LATS2: variants seen among roughly 807,000 people sequenced by gnomAD.
LATS2 encodes the protein serine/threonine-protein kinase LATS2.
LATS2 carries 24 observed loss-of-function variants against 76.0 expected under a neutral mutation model. That is an observed-to-expected ratio of 0.32 (90% CI 0.23 to 0.44). The LOEUF (loss-of-function observed/expected upper bound fraction) is 0.44, where lower values mean the gene tolerates loss of function less well. Ranked by LOEUF, LATS2 falls within the 20% of genes least tolerant of loss-of-function variation. LATS2 has a pLI of 1.00. For missense variants in LATS2, 1,286 were observed against 1,481.2 expected, an observed-to-expected ratio of 0.87 and a Z score of 2.16; for synonymous variants, 692 against 635.4, an observed-to-expected ratio of 1.09 and a Z score of -1.34.
chr13:21,022,415 C>G (rs1020811945), intron 2 of LATS2, among the ~76,000 whole-genome samples: 1 of 152,140 alleles, frequency 6.6e-6, no homozygotes, highest in African/African-American at 2.4e-5. Flanking sequence ...AAACACAACC[C>G]CCACTAGCCC....
At chr13:20,990,279 T>C (rs1309650247) in intron 3 of LATS2, among the ~76,000 whole-genome samples, 5 of 151,408 alleles carry the variant, frequency 3.3e-5, no homozygotes, top group Non-Finnish European at 5.9e-5. Context: ...GGAAGAATTC[T>C]GACATGGATG....
intron 1 of LATS2, among the ~76,000 whole-genome samples, chr13:21,047,327 ACAAGGGTAC>A (rs1873108786): frequency 6.6e-6 from 1 of 152,170 alleles, no homozygotes; most frequent in South Asian, 2.1e-4. Flanking sequence ...GGGTCAGATG[ACAAGGGTAC>A]CAGGCCCTGC....
At position 20,974,045 on chromosome 13, in the gene LATS2, T is replaced by C. The variant is rs1869467798; in HGVS notation, c.*825A>G. On this transcript the variant is annotated 3_prime_UTR_variant, in exon 8 of 8. Transcript: ENST00000382592. ...CTTCTCAGTTACACATCTGCATTTC[T>C]TTAACAAAACAGTAAGAGATACAAT... 4.6e-6 allele frequency: 1 copy of C among 217,656 alleles called. No individual in the cohort carries two copies. The highest frequency in any genetic ancestry group is 9.0e-6 in the Non-Finnish European group (1 of 110,908). The allele number at this position is 217,656 out of a possible 1,614,324, so 13.5% of individuals were successfully genotyped here. A position where few individuals can be genotyped will look rare whatever the true frequency, so the allele number is the denominator to read the frequency against.
chr13:20,988,084 C>T lies in LATS2; in HGVS notation c.1696G>A (p.Gly566Ser), dbSNP rs1830737438. 7.4e-6 allele frequency: 12 copies of T among 1,614,274 alleles called. No individual in the cohort carries two copies. The highest frequency in any genetic ancestry group is 1.0e-5 in the Non-Finnish European group (12 of 1,180,050). ...KSRKSAKGDKGGKDKKQIQTS... is the reference protein window; with the variant it reads ...KSRKSAKGDKSGKDKKQIQTS... Reference sequence around the variant, plus strand: ...TGAATCTGCTTTTTATCCTTTCCGCCTTTGTCCCCCTTGGCGCTTTTGCGG... The same window carrying T: ...TGAATCTGCTTTTTATCCTTTCCGCTTTTGTCCCCCTTGGCGCTTTTGCGG... Residue 566 changes from glycine to serine, a missense_variant, in exon 4 of 8, where the codon GGC (glycine) becomes AGC (serine). Physicochemically the swap from Gly to Ser is moderately conservative, Grantham distance 56. This residue lies in a region of LATS2 where 710 missense variants were observed against 660.9 expected (regional missense o/e 1.07). Transcript: ENST00000382592.
Position 20,975,236 on chromosome 13 carries a change from C to T in LATS2, c.2901G>A (p.Leu967=), listed in dbSNP as rs1358775879. The T allele has an allele frequency of 6.2e-6, 10 of 1,614,092 alleles. No homozygotes were observed. In the African/African-American group the frequency reaches 1.2e-4, roughly 19 times the overall value. The change falls in exon 8 of 8, where the codon CTG becomes CTA. Residue 967 remains leucine (L), a synonymous_variant. Coordinates refer to ENST00000382592, the MANE Select transcript of LATS2 (RefSeq NM_014572.3). ...HRLGRNGADD[L]KAHPFFSAID... ...TGGCGCTGAAGAAGGGGTGGGCCTTCAGGTCATCGGCCCCATTCCGCCCCA... is the reference window on the plus strand; with the variant it reads ...TGGCGCTGAAGAAGGGGTGGGCCTTTAGGTCATCGGCCCCATTCCGCCCCA...
chr13:20,990,477 TTTTTTTTTTTA>T lies in LATS2; in HGVS notation c.475+784_475+794del, dbSNP rs1319002731. On this transcript the variant is annotated intron_variant, in intron 3 of 7. Coordinates refer to ENST00000382592, the MANE Select transcript of LATS2 (RefSeq NM_014572.3). ...ATTACTAGGATTTTTTTTTTTTTTT[TTTTTTTTTTTA>T]AATACAGACGAGGTCTCCCTCTGTT... 1.2e-3 allele frequency among the ~76,000 whole-genome samples: 164 copies of T among 141,138 alleles called. 2 individuals are homozygous for T. Among genetic ancestry groups the T allele is most frequent in the Admixed American group, 4.0e-3 (57 of 14,206 alleles). 92.6% of individuals were successfully genotyped at this position (141,138 alleles called of 152,430 possible).
intron 2 of LATS2, among the ~76,000 whole-genome samples, chr13:20,998,703 C>A (rs1054363489): frequency 1.1e-4 from 17 of 152,188 alleles, no homozygotes; most frequent in African/African-American, 3.9e-4. Context: ...GCGCTCCCGG[C>A]GATCTTGGGC....
At chr13:21,033,301 G>A (rs4536321) in intron 2 of LATS2, among the ~76,000 whole-genome samples, 3,782 of 152,118 alleles carry the variant, frequency 0.025, 184 homozygotes, top group African/African-American at 0.086. Flanking sequence ...GAGAACACAC[G>A]CTCCTGGTGT....
chr13:21,029,505 T>C (rs1296664400), intron 2 of LATS2, among the ~76,000 whole-genome samples: 2 of 152,170 alleles, frequency 1.3e-5, no homozygotes, highest in Non-Finnish European at 2.9e-5. Context: ...ATAAAAGATA[T>C]TGGAATGTCG....
chr13:20,998,369 A>AAATT (rs1009533892), intron 2 of LATS2, among the ~76,000 whole-genome samples: 2 of 143,600 alleles, frequency 1.4e-5, no homozygotes, highest in African/African-American at 2.5e-5. Flanking sequence ...AAACAAACAA[A>AAATT]AATTAATTAA....
chr13:21,030,613 A>AAAAAAAAAAAAAAAAGAAAAAG (rs1565960105), intron 2 of LATS2, among the ~76,000 whole-genome samples: 1 of 19,518 alleles, frequency 5.1e-5, no homozygotes, highest in African/African-American at 9.5e-5. Flanking sequence ...AAAAAAAAAG[A>AAAAAAAAAAAAAAAAGAAAAAG]AAAAAAAAAA....
chr13:21,042,211 T>C (rs529738889), intron 2 of LATS2, among the ~76,000 whole-genome samples: 1 of 152,326 alleles, frequency 6.6e-6, no homozygotes, highest in South Asian at 2.1e-4. Flanking sequence ...AACATATCAT[T>C]TGACATACAC....
intron 7 of LATS2, among the ~76,000 whole-genome samples, chr13:20,977,591 A>T (rs942548640): frequency 2.0e-5 from 3 of 151,232 alleles, no homozygotes; most frequent in Non-Finnish European, 4.4e-5. Flanking sequence ...TAAAATAATT[A>T]AAAATGGTAA....
intron 1 of LATS2, among the ~76,000 whole-genome samples, chr13:21,058,055 CT>C (rs1207689051): frequency 6.6e-6 from 1 of 152,148 alleles, no homozygotes; most frequent in Non-Finnish European, 1.5e-5. Context: ...AAGCAATAGA[CT>C]TTTTAAAAGG....
intron 2 of LATS2, among the ~76,000 whole-genome samples, chr13:21,041,614 G>A (rs1176758078): frequency 6.6e-6 from 1 of 152,028 alleles, no homozygotes; most frequent in African/African-American, 2.4e-5. Context: ...TCAGAGGGAG[G>A]GTGGACAGGC....
chr13:21,027,533 G>C (rs1276528639), intron 2 of LATS2, among the ~76,000 whole-genome samples: 1 of 152,156 alleles, frequency 6.6e-6, no homozygotes, highest in Non-Finnish European at 1.5e-5. Context: ...ATCAATTGTA[G>C]TAAGTCCCAT....
In LATS2 at chr13:21,046,196, T is replaced by C. The variant is rs886641531; in HGVS notation, c.-170A>G. 2 of 515,896 alleles carry C rather than the reference T, an allele frequency of 3.9e-6. No individual in the cohort carries two copies. Among genetic ancestry groups the C allele is most frequent in the African/African-American group, 3.8e-5 (2 of 52,464 alleles). The allele number at this position is 515,896 out of a possible 1,614,324, so 32.0% of individuals were successfully genotyped here. A position where few individuals can be genotyped will look rare whatever the true frequency, so the allele number is the denominator to read the frequency against. ...TGTAGTTCCTATAGAGAACCTAAAATTTTCCAAAGTCTTCATTTTGAAGAT... is the reference window on the plus strand; with the variant it reads ...TGTAGTTCCTATAGAGAACCTAAAACTTTCCAAAGTCTTCATTTTGAAGAT... On this transcript the variant is annotated 5_prime_UTR_variant, in exon 2 of 8. Coordinates refer to ENST00000382592, the MANE Select transcript of LATS2 (RefSeq NM_014572.3).
At chr13:21,027,345 A>T (rs1872347149) in intron 2 of LATS2, among the ~76,000 whole-genome samples, 1 of 152,154 alleles carries the variant, frequency 6.6e-6, no homozygotes, top group African/African-American at 2.4e-5. Context: ...GCTGTTTTAT[A>T]TTTAGTTCTA....
chr13:21,001,541 C>T (rs1034778694), intron 2 of LATS2, among the ~76,000 whole-genome samples: 1 of 152,162 alleles, frequency 6.6e-6, no homozygotes, highest in Non-Finnish European at 1.5e-5. Flanking sequence ...GTCCTCAGAT[C>T]GCACCATGGT....
Sources: allele counts gnomAD v4.1 joint callset (sites outside exome capture counted in the v4.1 genomes callset), GRCh38; gene constraint gnomAD v4.1.1; regional missense constraint gnomAD v4.1.1; transcripts MANE v1.5; gene names NCBI Gene and HGNC (gene_info 2026-07-23, HGNC 2026-07-21).